POLR1C: variants seen among roughly 807,000 people sequenced by gnomAD.
POLR1C encodes RNA polymerase I and III subunit C.
POLR1C carries 42 observed loss-of-function variants against 38.3 expected under a neutral mutation model. That is an observed-to-expected ratio of 1.10 (90% CI 0.86 to 1.42). POLR1C has a LOEUF of 1.42. POLR1C is among the 40% of genes most tolerant of loss of function. The pLI is 0.00. For missense variants in POLR1C, 507 were observed against 450.5 expected (o/e 1.13, Z -1.14); for synonymous variants, 163 against 163.9 (o/e 0.99, Z 0.04).
chr6:43,555,708 G>A lies in POLR1C; in HGVS notation c.*48+4697G>A, dbSNP rs571013935. The A allele has an allele frequency of 1.2e-5, 14 of 1,172,334 alleles. No homozygotes were observed. The South Asian group carries it at 1.7e-4, about 14-fold the overall frequency. The allele number at this position is 1,172,334 out of a possible 1,614,324, so 72.6% of individuals were successfully genotyped here. On this transcript the variant is annotated intron_variant, in intron 10 of 10. Coordinates refer to the POLR1C transcript ENST00000607635. ...AATGAAAACGCTCCCTCTCCAGGAT[G>A]AGCAAAGCTATTTTTGAATAGTATA...
chr6:43,524,806 C>A (rs1464024212), downstream of POLR1C: 4 of 1,611,722 alleles, frequency 2.5e-6, no homozygotes, highest in Non-Finnish European at 3.4e-6. Flanking sequence ...TGCAGCCATC[C>A]TTCCCCCATG....
At chr6:43,525,441 G>A (rs535469720), downstream of POLR1C, 1 of 540,142 alleles carries the variant, frequency 1.9e-6, no homozygotes, top group Non-Finnish European at 3.3e-6. Flanking sequence ...CCTGGCTTAG[G>A]AGCTGGAGTT....
At chr6:43,561,465 A>G (rs1017769324) in exon 11 of POLR1C, 1 of 155,100 alleles carries the variant, frequency 6.4e-6, no homozygotes, top group Non-Finnish European at 1.4e-5. Context: ...TGCAACCTCT[A>G]CCTCCAGGGT....
Position 43,517,304 on chromosome 6 carries a change from A to G in POLR1C, c.70-2A>G. ...GTGGACAAATTCGTCCCTTTGCTCT[A>G]GGTCCATACTACTGACTTTCCCGGT... On this transcript the variant is annotated splice_acceptor_variant, in intron 1 of 8. Coordinates refer to ENST00000642195, the MANE Select transcript of POLR1C (RefSeq NM_203290.4). LOFTEE classifies it high-confidence loss of function. 4 of 1,614,010 alleles carry G rather than the reference A, an allele frequency of 2.5e-6. No individual in the cohort carries two copies. The highest frequency in any genetic ancestry group is 2.2e-5 in the East Asian group (1 of 44,878).
At chr6:43,525,297 GT>G (rs369932860), downstream of POLR1C, 36,305 of 1,015,098 alleles carry the variant, frequency 0.036, 2 homozygotes, top group East Asian at 0.055. Flanking sequence ...GAGCCGGAGG[GT>G]TTTTTTTTTT....
chr6:43,526,705 G>T, intron 8 of POLR1C: 1 of 1,613,966 alleles, frequency 6.2e-7, no homozygotes, highest in Middle Eastern at 1.6e-4. Context: ...TGCTGGGGGA[G>T]CACTACTGTG....
At chr6:43,530,746 G>A (rs193195408), downstream of POLR1C, 4 of 1,613,994 alleles carry the variant, frequency 2.5e-6, no homozygotes, top group East Asian at 6.7e-5. Flanking sequence ...AGGCTGAGCT[G>A]AGAAGCTGGG....
At chr6:43,533,166 T>G (rs116770453), downstream of POLR1C, among the ~76,000 whole-genome samples, 1,713 of 147,204 alleles carry the variant, frequency 0.012, 34 homozygotes, top group African/African-American at 0.04. Context: ...AGGTAACAAT[T>G]GGGAAATGGC....
intron 9 of POLR1C, chr6:43,546,465 C>A: frequency 9.2e-7 from 1 of 1,081,258 alleles, no homozygotes. Flanking sequence ...TTAAATCAAT[C>A]CCTCATTAAT....
intron 1 of POLR1C, 35 bp from the exon 2 acceptor site, chr6:43,517,271 G>C (rs761815367): frequency 6.2e-7 from 1 of 1,608,766 alleles, no homozygotes; most frequent in African/African-American, 1.3e-5. Context: ...TGGGCTCACT[G>C]TCCCTTCGTG....
At chr6:43,528,318 T>C in intron 8 of POLR1C, 1 of 1,104,386 alleles carries the variant, frequency 9.1e-7, no homozygotes, top group Non-Finnish European at 1.3e-6. Context: ...ATTCTAGGCA[T>C]CAATGACAAC....
downstream of POLR1C, chr6:43,523,776 G>A: frequency 6.3e-7 from 1 of 1,598,800 alleles, no homozygotes; most frequent in Middle Eastern, 1.7e-4. Flanking sequence ...GGTGGAAAGT[G>A]AGGTGGCAGT....
downstream of POLR1C, chr6:43,523,997 C>T: frequency 1.2e-6 from 2 of 1,613,008 alleles, no homozygotes; most frequent in Non-Finnish European, 1.7e-6. Flanking sequence ...ACTGCTCTCC[C>T]AAGGGTTTCT....
intron 9 of POLR1C, among the ~76,000 whole-genome samples, chr6:43,545,937 C>T (rs563934925): frequency 6.6e-6 from 1 of 152,030 alleles, no homozygotes; most frequent in South Asian, 2.1e-4. Flanking sequence ...TGTATATAAA[C>T]CACTGGGCAT....
intron 10 of POLR1C, among the ~76,000 whole-genome samples, chr6:43,554,638 G>C (rs1186256442): frequency 6.6e-6 from 1 of 151,852 alleles, no homozygotes; most frequent in Non-Finnish European, 1.5e-5. Flanking sequence ...TGGCCAGGCT[G>C]GTCTTGAACT....
chr6:43,533,750 G>A (rs1343037287), downstream of POLR1C: 5 of 422,008 alleles, frequency 1.2e-5, no homozygotes, highest in African/African-American at 1.0e-4. Context: ...CAGGAAGACT[G>A]CTTGAGTCCA....
At chr6:43,533,866 G>T (rs374182742), downstream of POLR1C, 6 of 1,466,406 alleles carry the variant, frequency 4.1e-6, no homozygotes, top group Non-Finnish European at 5.6e-6. Flanking sequence ...ATCCATTAGG[G>T]ATAAGATAAA....
At chr6:43,533,884 A>C, downstream of POLR1C, 1 of 1,546,766 alleles carries the variant, frequency 6.5e-7, no homozygotes, top group Non-Finnish European at 8.9e-7. Context: ...AAACCTTAGG[A>C]GAAAAAAGGT....
chr6:43,524,893 C>T, downstream of POLR1C: 3 of 1,614,020 alleles, frequency 1.9e-6, no homozygotes, highest in Non-Finnish European at 2.5e-6. Flanking sequence ...TCGTGCTGCC[C>T]GTGCATCTGT....
Sources: allele counts gnomAD v4.1 joint callset (sites outside exome capture counted in the v4.1 genomes callset), GRCh38; gene constraint gnomAD v4.1.1; transcripts MANE v1.5; gene names NCBI Gene and HGNC (gene_info 2026-07-23, HGNC 2026-07-21).